Variants in RNF17 observed in about 807,000 individuals in gnomAD.
RNF17 encodes the protein ring finger protein 17, also known as spermatogenesis associated 23.
In RNF17, 31 loss-of-function variants were observed where a neutral mutation model predicts 200.5. The ratio of observed to expected loss-of-function variants is 0.15; its 90% CI spans 0.12 to 0.21. The LOEUF is 0.21. Ranked by LOEUF, RNF17 falls within the 10% of genes least tolerant of loss-of-function variation. RNF17 has a pLI of 1.00. For missense variants in RNF17, 1,628 were observed against 1,905.1 expected (o/e 0.85, Z 2.71); for synonymous variants, 606 against 637.8 (o/e 0.95, Z 0.75).
chr13:24,864,746 T>G, intron 28 of RNF17, 127 bp from the exon 29 acceptor site: 2 of 672,912 alleles, frequency 3.0e-6, no homozygotes, highest in Non-Finnish European at 5.0e-6. Flanking sequence ...TTCTATGAAA[T>G]GAGTCACTAG....
At chr13:24,869,508 C>T (rs1355730562) in intron 31 of RNF17, among the ~76,000 whole-genome samples, 1 of 152,200 alleles carries the variant, frequency 6.6e-6, no homozygotes, top group Non-Finnish European at 1.5e-5. Flanking sequence ...CTGAGTTAAG[C>T]ACTCTAGCTC....
intron 1 of RNF17, 26 bp downstream of exon 1, chr13:24,764,359 C>G (rs566459849): frequency 2.1e-5 from 32 of 1,558,752 alleles, no homozygotes; most frequent in Non-Finnish European, 2.8e-5. Flanking sequence ...GCCCACCTAG[C>G]GGGGAGGCAG....
intron 22 of RNF17, among the ~76,000 whole-genome samples, chr13:24,846,674 ACT>A (rs1360100988): frequency 1.3e-5 from 2 of 152,212 alleles, no homozygotes; most frequent in Non-Finnish European, 2.9e-5. Context: ...CATAAAATAC[ACT>A]GACAGTAATA....
intron 15 of RNF17, among the ~76,000 whole-genome samples, chr13:24,822,232 C>G (rs765165687): frequency 6.6e-6 from 1 of 152,110 alleles, no homozygotes; most frequent in East Asian, 1.9e-4. Flanking sequence ...GCTGGCAAGG[C>G]GAGAAGGGAG....
chr13:24,761,542 A>G (rs901031849), upstream of RNF17, among the ~76,000 whole-genome samples: 3 of 152,238 alleles, frequency 2.0e-5, no homozygotes, highest in South Asian at 2.1e-4. Flanking sequence ...TGTGTATTCA[A>G]GAAGGGAGCC....
intron 2 of RNF17, among the ~76,000 whole-genome samples, chr13:24,774,238 T>C (rs1409920412): frequency 6.6e-6 from 1 of 152,202 alleles, no homozygotes; most frequent in Non-Finnish European, 1.5e-5. Context: ...GTCTGGCTCT[T>C]TCACCCAGGC....
chr13:24,796,816 A>ACGT (rs1884635107), intron 11 of RNF17, among the ~76,000 whole-genome samples: 1 of 152,156 alleles, frequency 6.6e-6, no homozygotes, highest in Admixed American at 6.6e-5. Flanking sequence ...TTTTCTTATA[A>ACGT]CGTTGACTGA....
chr13:24,856,885 C>T (rs1009857767), intron 25 of RNF17, among the ~76,000 whole-genome samples: 1 of 152,130 alleles, frequency 6.6e-6, no homozygotes, highest in African/African-American at 2.4e-5. Flanking sequence ...GTTTTATTCA[C>T]TGTACCCTAT....
chr13:24,777,980 G>T (rs1195422757), intron 3 of RNF17, among the ~76,000 whole-genome samples: 1 of 151,922 alleles, frequency 6.6e-6, no homozygotes, highest in East Asian at 1.9e-4. Flanking sequence ...AATGTACGTG[G>T]GCCAGGCACA....
In RNF17 at chr13:24,864,766, C is replaced by G. The variant is rs373575635; in HGVS notation, c.3976-107C>G. 6.3e-6 allele frequency: 5 copies of G among 796,642 alleles called. No homozygotes were observed. In the South Asian group the frequency reaches 6.7e-5, roughly 11 times the overall value. The allele number at this position is 796,642 out of a possible 1,614,324, so 49.3% of individuals were successfully genotyped here. On this transcript the variant is annotated intron_variant, in intron 28 of 35. Transcript: ENST00000255324. ...TGAAATGAGTCACTAGCCAAACTGT[C>G]TAGTTAATACTATGATTGTCAGAAG...
chr13:24,783,466 C>G (rs1212390892), intron 6 of RNF17, among the ~76,000 whole-genome samples: 1 of 152,108 alleles, frequency 6.6e-6, no homozygotes, highest in Non-Finnish European at 1.5e-5. Flanking sequence ...AATTGTAGAT[C>G]ACTTTGTGCA....
At chr13:24,874,357 G>T in intron 33 of RNF17, 108 bp downstream of exon 33, 11 of 823,086 alleles carry the variant, frequency 1.3e-5, no homozygotes, top group Admixed American at 4.0e-5. Context: ...TTCTAAGGCT[G>T]TTTATAAATT....
In RNF17 at chr13:24,854,098, C is replaced by T. The variant is rs1332017203; in HGVS notation, c.3564C>T (p.Ser1188=). 2.5e-6 allele frequency: 4 copies of T among 1,613,842 alleles called. No individual in the cohort carries two copies. The highest frequency in any genetic ancestry group is 2.5e-6 in the Non-Finnish European group (3 of 1,179,794). Residue 1188 remains serine (S), a synonymous_variant, in exon 25 of 36, where the codon AGC becomes AGT. Transcript: ENST00000255324. The stretch of plus-strand genomic sequence containing the variant: ...TGAACGTATTTGAGGCAACAGTCAG[C>T]TGTGTTGGTGATGATGGAACTATAT... ...PNMNVFEATV[S]CVGDDGTIFV... is the part of the protein sequence containing the mutation.
chr13:24,882,589 TAC>T (rs1953892161), downstream of RNF17: 1 of 153,830 alleles, frequency 6.5e-6, no homozygotes, highest in African/African-American at 2.4e-5. Flanking sequence ...GACATTACAT[TAC>T]AAAGTCAGCC....
At chr13:24,775,346 C>T (rs2137515841) in intron 3 of RNF17, among the ~76,000 whole-genome samples, 2 of 152,298 alleles carry the variant, frequency 1.3e-5, no homozygotes, top group South Asian at 4.1e-4. Flanking sequence ...GACTCCTGGT[C>T]TCAAGCTAGC....
At chr13:24,817,648 G>A (rs976696097) in intron 15 of RNF17, among the ~76,000 whole-genome samples, 2 of 151,892 alleles carry the variant, frequency 1.3e-5, no homozygotes, top group African/African-American at 4.8e-5. Flanking sequence ...GAACCCAGGA[G>A]GCAGAAGTTG....
chr13:24,772,247 A>G (rs1313943969), intron 2 of RNF17, among the ~76,000 whole-genome samples: 1 of 152,170 alleles, frequency 6.6e-6, no homozygotes, highest in Non-Finnish European at 1.5e-5. Flanking sequence ...TAATTATTAC[A>G]GTAGTGTTAT....
intron 21 of RNF17, 76 bp downstream of exon 21, chr13:24,844,878 A>C (rs959227411): frequency 6.4e-7 from 1 of 1,563,756 alleles, no homozygotes; most frequent in Non-Finnish European, 8.8e-7. Context: ...GAGTTAAAAC[A>C]GTTTTCATTG....
At chr13:24,778,166 G>A in intron 3 of RNF17, 129 bp from the exon 4 acceptor site, 1 of 603,638 alleles carries the variant, frequency 1.7e-6, no homozygotes, top group Non-Finnish European at 2.9e-6. Flanking sequence ...GGAGACTGAG[G>A]TGGGATGATC....
Sources: allele counts gnomAD v4.1 joint callset (sites outside exome capture counted in the v4.1 genomes callset), GRCh38; gene constraint gnomAD v4.1.1; transcripts MANE v1.5; gene names NCBI Gene and HGNC (gene_info 2026-07-23, HGNC 2026-07-21).